The following LTBP1 variants were observed in gnomAD, a reference collection of about 807,000 sequenced individuals.
LTBP1 encodes latent transforming growth factor beta binding protein 1.
In LTBP1, 129 loss-of-function variants were observed where a neutral mutation model predicts 207.6. The ratio of observed to expected loss-of-function variants is 0.62; its 90% CI spans 0.54 to 0.72. The LOEUF (loss-of-function observed/expected upper bound fraction) is 0.72. Among genes scored for constraint, LTBP1 ranks in the 30% least tolerant of loss-of-function variants. The pLI is 0.00. For missense variants in LTBP1, 2,281 were observed against 2,217.2 expected, an observed-to-expected ratio of 1.03 and a Z score of -0.58; for synonymous variants, 963 against 833.7, an observed-to-expected ratio of 1.16 and a Z score of -2.67.
intron 31 of LTBP1, among the ~76,000 whole-genome samples, chr2:33,371,499 C>T (rs910789361): frequency 1.4e-4 from 22 of 152,186 alleles, no homozygotes; most frequent in Non-Finnish European, 2.9e-5. Context: ...GTATCCATTT[C>T]ATAAATGAAG....
chr2:33,034,857 A>G (rs2075845567), intron 3 of LTBP1, among the ~76,000 whole-genome samples: 1 of 150,322 alleles, frequency 6.7e-6, no homozygotes, highest in Non-Finnish European at 1.5e-5. Context: ...GGTTTAAATA[A>G]AAAAAAAAGG....
At chr2:33,090,621 T>A (rs113843457) in intron 3 of LTBP1, among the ~76,000 whole-genome samples, 72 of 152,198 alleles carry the variant, frequency 4.7e-4, no homozygotes, top group African/African-American at 1.6e-3. Context: ...TTTAAGTGAT[T>A]TGTCCGTGGT....
At chr2:33,368,887 A>G (rs932829846) in intron 31 of LTBP1, among the ~76,000 whole-genome samples, 3 of 152,332 alleles carry the variant, frequency 2.0e-5, no homozygotes, top group Admixed American at 1.3e-4. Context: ...AAATAGATAA[A>G]TAAAATTATA....
intron 7 of LTBP1, among the ~76,000 whole-genome samples, chr2:33,208,383 A>G (rs964264778): frequency 2.0e-5 from 3 of 152,208 alleles, no homozygotes; most frequent in African/African-American, 4.8e-5. Context: ...TAGCTACCCA[A>G]TATAATCTAG....
intron 32 of LTBP1, among the ~76,000 whole-genome samples, chr2:33,392,489 T>C (rs1436829507): frequency 6.6e-6 from 1 of 152,124 alleles, no homozygotes; most frequent in African/African-American, 2.4e-5. Flanking sequence ...CGAGCCCAGA[T>C]GGTAAAATTT....
chr2:32,984,466 G>A (rs1349064052), intron 2 of LTBP1, among the ~76,000 whole-genome samples: 3 of 152,174 alleles, frequency 2.0e-5, no homozygotes, highest in Admixed American at 6.5e-5. Context: ...TTTTAACTCA[G>A]CTGCACCTGT....
At chr2:32,953,918 T>C (rs1478704990) in intron 2 of LTBP1, among the ~76,000 whole-genome samples, 1 of 152,226 alleles carries the variant, frequency 6.6e-6, no homozygotes. Flanking sequence ...GTGAGGGCTA[T>C]GTCACCACCC....
At chr2:33,030,567 G>A (rs1032859915) in intron 3 of LTBP1, among the ~76,000 whole-genome samples, 1 of 152,184 alleles carries the variant, frequency 6.6e-6, no homozygotes, top group African/African-American at 2.4e-5. Flanking sequence ...CTAAACAGTT[G>A]GAAAATTTAG....
At chr2:33,226,236 A>T (rs1030857135) in intron 9 of LTBP1, among the ~76,000 whole-genome samples, 1 of 152,036 alleles carries the variant, frequency 6.6e-6, no homozygotes, top group Non-Finnish European at 1.5e-5. Flanking sequence ...GTGTTTTTTT[A>T]CCTTTACAAT....
chr2:33,283,208 G>T (rs1274536015), intron 19 of LTBP1, among the ~76,000 whole-genome samples: 2 of 151,906 alleles, frequency 1.3e-5, no homozygotes, highest in Admixed American at 6.6e-5. Flanking sequence ...GATGCATGAC[G>T]TGAAGAAAAG....
At chr2:33,277,760 C>CTTT (rs1219527688) in intron 18 of LTBP1, among the ~76,000 whole-genome samples, 9 of 95,468 alleles carry the variant, frequency 9.4e-5, no homozygotes, top group African/African-American at 2.7e-4. Context: ...TTTTTTTTTC[C>CTTT]CTTTCTTTCT....
chr2:33,354,930 C>T lies in LTBP1; in HGVS notation c.4001-5667C>T, dbSNP rs112372204. Among the ~76,000 whole-genome samples, 1,293 of 152,040 alleles carry T rather than the reference C, an allele frequency of 8.5e-3. 9 individuals carry two copies. The highest frequency in any genetic ancestry group is 0.015 in the Non-Finnish European group (1,051 of 67,988). On this transcript the variant is annotated intron_variant, in intron 26 of 33. Transcript: ENST00000404816. ...TCGTTTTTAAAATTTTTTTGTAGGACGAGGTCTCACTATGTTGCCGAGGCT... is the reference window on the plus strand; with the variant it reads ...TCGTTTTTAAAATTTTTTTGTAGGATGAGGTCTCACTATGTTGCCGAGGCT...
intron 26 of LTBP1, among the ~76,000 whole-genome samples, chr2:33,352,680 G>A (rs1292038834): frequency 6.6e-6 from 1 of 152,082 alleles, no homozygotes; most frequent in East Asian, 1.9e-4. Flanking sequence ...GCTCCACACT[G>A]CTGCCAGAGT....
At chr2:33,314,710 TAAG>T (rs1438567826) in intron 23 of LTBP1, among the ~76,000 whole-genome samples, 1 of 152,168 alleles carries the variant, frequency 6.6e-6, no homozygotes, top group African/African-American at 2.4e-5. Flanking sequence ...GCCTTGCCCT[TAAG>T]AAGCCCACAT....
intron 23 of LTBP1, among the ~76,000 whole-genome samples, chr2:33,310,164 G>A (rs937607488): frequency 6.6e-6 from 1 of 152,046 alleles, no homozygotes; most frequent in African/African-American, 2.4e-5. Flanking sequence ...GGCCAGGCTG[G>A]TGTTGAACAC....
intron 3 of LTBP1, among the ~76,000 whole-genome samples, chr2:33,063,495 T>C (rs1484471853): frequency 6.6e-6 from 1 of 152,194 alleles, no homozygotes; most frequent in Non-Finnish European, 1.5e-5. Context: ...CATTTTATTT[T>C]AGGAAAAAGA....
chr2:33,114,174 C>G (rs1470395539), intron 4 of LTBP1, among the ~76,000 whole-genome samples: 1 of 152,184 alleles, frequency 6.6e-6, no homozygotes, highest in East Asian at 1.9e-4. Flanking sequence ...AAATTAATAA[C>G]TTGTGGTGTT....
chr2:33,223,071 A>G (rs2091221824), intron 9 of LTBP1, among the ~76,000 whole-genome samples: 1 of 152,148 alleles, frequency 6.6e-6, no homozygotes. Flanking sequence ...ATCCTTCACC[A>G]CCATATGTAT....
chr2:33,086,733 G>A (rs1217547856), intron 3 of LTBP1, among the ~76,000 whole-genome samples: 1 of 151,710 alleles, frequency 6.6e-6, no homozygotes, highest in African/African-American at 2.4e-5. Flanking sequence ...TGGCTTTGTT[G>A]GCAAGTTTTA....
Sources: allele counts gnomAD v4.1 joint callset (sites outside exome capture counted in the v4.1 genomes callset), GRCh38; gene constraint gnomAD v4.1.1; transcripts MANE v1.5; gene names NCBI Gene and HGNC (gene_info 2026-07-23, HGNC 2026-07-21).